The following PXDNL variants were observed in gnomAD, a reference collection of about 807,000 sequenced individuals.
The protein encoded by PXDNL is peroxidasin like.
Under a neutral mutation model 150.8 loss-of-function variants are expected in PXDNL, and 145 were observed. The observed-to-expected ratio is 0.96, with a 90% CI of 0.84 to 1.10. The LOEUF is 1.10. Ranked by LOEUF, PXDNL falls within the 50% of genes least tolerant of loss-of-function variation. The probability of loss-of-function intolerance (pLI) is 0.00; values close to 1 mark genes in which losing one functional copy is unlikely to be tolerated. For missense variants in PXDNL, 2,087 were observed against 1,873.9 expected (o/e 1.11, Z -2.10); for synonymous variants, 757 against 725.7 (o/e 1.04, Z -0.69).
At chr8:51,733,499 G>A (rs1490790736) in intron 1 of PXDNL, among the ~76,000 whole-genome samples, 1 of 152,032 alleles carries the variant, frequency 6.6e-6, no homozygotes, top group Non-Finnish European at 1.5e-5. Flanking sequence ...ACAAAGTGAG[G>A]GAGGAATATA....
chr8:51,495,493 C>T lies in PXDNL; in HGVS notation c.452+4206G>A, dbSNP rs1037786303. On this transcript the variant is annotated intron_variant, in intron 5 of 22. Coordinates refer to ENST00000356297, the MANE Select transcript of PXDNL (RefSeq NM_144651.5). Reference sequence around the variant, plus strand: ...TTCAAAAAATCAATGAATCCAGGAGCTGGTTTTTGAAAAGATCAACAAAAT... The same window carrying T: ...TTCAAAAAATCAATGAATCCAGGAGTTGGTTTTTGAAAAGATCAACAAAAT... 9.2e-5 allele frequency among the ~76,000 whole-genome samples: 14 copies of T among 152,134 alleles called. 1 individual carries two copies. Among genetic ancestry groups the T allele is most frequent in the African/African-American group, 3.4e-4 (14 of 41,510 alleles).
intron 1 of PXDNL, among the ~76,000 whole-genome samples, chr8:51,778,491 CAT>C (rs2037379225): frequency 6.6e-6 from 1 of 152,134 alleles, no homozygotes; most frequent in Non-Finnish European, 1.5e-5. Context: ...TTTTTTAAGA[CAT>C]AATTCGCTAA....
chr8:51,805,108 A>G (rs2037661489), intron 1 of PXDNL, among the ~76,000 whole-genome samples: 1 of 151,844 alleles, frequency 6.6e-6, no homozygotes, highest in African/African-American at 2.4e-5. Context: ...CCACTGGGGG[A>G]AGTTTGAATG....
At chr8:51,407,919 C>CGG (rs1808480963) in intron 17 of PXDNL, 148 bp downstream of exon 17, 1 of 659,870 alleles carries the variant, frequency 1.5e-6, no homozygotes, top group African/African-American at 1.8e-5. Context: ...GTGAATCCTT[C>CGG]CTTTAATATT....
At chr8:51,365,163 C>T (rs1806875469) in intron 19 of PXDNL, among the ~76,000 whole-genome samples, 1 of 152,270 alleles carries the variant, frequency 6.6e-6, no homozygotes, top group African/African-American at 2.4e-5. Flanking sequence ...GCCTCAAATT[C>T]CTGGCCTCAA....
At chr8:51,644,338 A>ATATATAT (rs1814858570) in intron 2 of PXDNL, among the ~76,000 whole-genome samples, 2 of 32,758 alleles carry the variant, frequency 6.1e-5, no homozygotes, top group African/African-American at 1.4e-4. Flanking sequence ...ATATATATAT[A>ATATATAT]CACACACACA....
At chr8:51,325,106 C>T (rs1456434194) in intron 21 of PXDNL, among the ~76,000 whole-genome samples, 2 of 152,114 alleles carry the variant, frequency 1.3e-5, no homozygotes, top group Non-Finnish European at 2.9e-5. Flanking sequence ...CCTTGTGATC[C>T]ACCCGCCTCA....
At chr8:51,340,721 A>G (rs1490707152) in intron 20 of PXDNL, among the ~76,000 whole-genome samples, 2 of 152,234 alleles carry the variant, frequency 1.3e-5, no homozygotes, top group African/African-American at 4.8e-5. Flanking sequence ...CAACAGCAGT[A>G]GTTTAGTCAC....
chr8:51,772,320 G>A lies in PXDNL; in HGVS notation c.164+36861C>T, dbSNP rs1253797389. 4.6e-5 allele frequency among the ~76,000 whole-genome samples: 7 copies of A among 151,598 alleles called. No individual in the cohort carries two copies. The East Asian group carries it at 1.4e-3, about 30-fold the overall frequency. Reference sequence around the variant, plus strand: ...TTGCATGCCCCACTCTCTCTTTTCTGGCTGGATACCTGTGCTTTCTGGGGA... The same window carrying A: ...TTGCATGCCCCACTCTCTCTTTTCTAGCTGGATACCTGTGCTTTCTGGGGA... On this transcript the variant is annotated intron_variant, in intron 1 of 22. Coordinates refer to ENST00000356297, the MANE Select transcript of PXDNL (RefSeq NM_144651.5).
intron 12 of PXDNL, 41 bp from the exon 13 acceptor site, chr8:51,426,799 C>T (rs1452471323): frequency 1.7e-6 from 2 of 1,182,666 alleles, no homozygotes; most frequent in South Asian, 1.3e-5. Context: ...CAAATAATAT[C>T]ATTTTTGTCA....
intron 12 of PXDNL, chr8:51,435,828 A>C (rs1055709392): frequency 6.8e-6 from 3 of 442,674 alleles, no homozygotes; most frequent in African/African-American, 6.3e-5. Context: ...TTTCAGAACA[A>C]GACATTTTAT....
intron 3 of PXDNL, among the ~76,000 whole-genome samples, chr8:51,566,015 T>C (rs1457389252): frequency 4.6e-5 from 7 of 151,868 alleles, no homozygotes; most frequent in Non-Finnish European, 7.4e-5. Flanking sequence ...TTATCACAAA[T>C]GGGTGTTCAA....
At chr8:51,485,167 CA>C (rs753785250) in intron 5 of PXDNL, among the ~76,000 whole-genome samples, 8 of 152,072 alleles carry the variant, frequency 5.3e-5, no homozygotes, top group Non-Finnish European at 7.4e-5. Context: ...GTGTTAAGGT[CA>C]GGGGGAGTGA....
intron 1 of PXDNL, among the ~76,000 whole-genome samples, chr8:51,691,634 G>A (rs1816000826): frequency 6.6e-6 from 1 of 151,440 alleles, no homozygotes; most frequent in African/African-American, 2.4e-5. Context: ...ACCTTCTAAG[G>A]AAGGTCATGA....
chr8:51,713,863 T>C (rs1041077555), intron 1 of PXDNL, among the ~76,000 whole-genome samples: 2 of 152,230 alleles, frequency 1.3e-5, no homozygotes, highest in Non-Finnish European at 2.9e-5. Context: ...GTCACTTGTT[T>C]TATTGTAATA....
rs71237228 is a variant in PXDNL, at chr8:51,683,164, CATATATATATATATATATATAT to C, written c.165-28426_165-28405del. On this transcript the variant is annotated intron_variant, in intron 1 of 22. Transcript: ENST00000356297. ...ATCCTTACTAACACCAATTGTCTTT[CATATATATATATATATATATAT>C]ATATATATATATATGCCTATTAGAA... Among the ~76,000 whole-genome samples, 225 of 44,466 alleles carry C rather than the reference CATATATATATATATATATATAT, an allele frequency of 5.1e-3. 8 individuals are homozygous for C. Among genetic ancestry groups the C allele is most frequent in the East Asian group, 0.01 (5 of 496 alleles). The allele number at this position is 44,466 out of a possible 152,430, so 29.2% of individuals were successfully genotyped here. A position where few individuals can be genotyped will look rare whatever the true frequency, so the allele number is the denominator to read the frequency against.
intron 1 of PXDNL, among the ~76,000 whole-genome samples, chr8:51,793,981 G>A (rs918339611): frequency 6.6e-5 from 10 of 151,986 alleles, no homozygotes; most frequent in Non-Finnish European, 8.8e-5. Flanking sequence ...TAAATGACCT[G>A]ATGGAGCTGA....
intron 5 of PXDNL, among the ~76,000 whole-genome samples, chr8:51,490,299 G>T (rs141347110): frequency 6.6e-6 from 1 of 152,048 alleles, no homozygotes; most frequent in African/African-American, 2.4e-5. Context: ...CATGTTTCCT[G>T]ATCCTACAAT....
chr8:51,782,738 C>T (rs2037426690), intron 1 of PXDNL, among the ~76,000 whole-genome samples: 1 of 152,212 alleles, frequency 6.6e-6, no homozygotes, highest in East Asian at 1.9e-4. Context: ...CCAACGTCTC[C>T]AAGTCATGGT....
Sources: allele counts gnomAD v4.1 joint callset (sites outside exome capture counted in the v4.1 genomes callset), GRCh38; gene constraint gnomAD v4.1.1; transcripts MANE v1.5; gene names NCBI Gene and HGNC (gene_info 2026-07-23, HGNC 2026-07-21).